The following NAALADL2 variants were observed in gnomAD, a reference collection of about 807,000 sequenced individuals.
NAALADL2 encodes the protein N-acetylated alpha-linked acidic dipeptidase like 2.
A neutral mutation model predicts 87.2 loss-of-function variants in NAALADL2; 76 were observed. That is an observed-to-expected ratio of 0.87 (90% CI 0.72 to 1.05). NAALADL2 has a LOEUF of 1.05. Ranked by LOEUF, NAALADL2 falls within the 50% of genes least tolerant of loss-of-function variation. The pLI is 0.00. For missense variants in NAALADL2, 1,089 were observed against 945.8 expected (o/e 1.15, Z -1.99); for synonymous variants, 354 against 331.0 (o/e 1.07, Z -0.75).
intron 1 of NAALADL2, among the ~76,000 whole-genome samples, chr3:174,869,729 C>A (rs1727571749): frequency 6.6e-6 from 1 of 151,986 alleles, no homozygotes; most frequent in African/African-American, 2.4e-5. Context: ...TGGGAAAGCA[C>A]TAGGAAAAAA....
intron 1 of NAALADL2, among the ~76,000 whole-genome samples, chr3:175,059,030 C>G (rs1712853253): frequency 6.6e-6 from 1 of 152,118 alleles, no homozygotes; most frequent in Admixed American, 6.6e-5. Flanking sequence ...TAATGGGTTT[C>G]TTCTGGTGGT....
intron 2 of NAALADL2, among the ~76,000 whole-genome samples, chr3:175,128,913 T>C (rs1465139733): frequency 1.3e-5 from 2 of 152,038 alleles, no homozygotes; most frequent in Admixed American, 6.6e-5. Flanking sequence ...ATAGATTGTG[T>C]ACTAGTTACC....
At chr3:174,662,704 A>G (rs746597877) in intron 2 of NAALADL2, among the ~76,000 whole-genome samples, 1 of 150,374 alleles carries the variant, frequency 6.7e-6, no homozygotes, top group Non-Finnish European at 1.5e-5. Context: ...AGTTCCTTTC[A>G]TAGAAAATGT....
intron 5 of NAALADL2, among the ~76,000 whole-genome samples, chr3:175,428,406 G>A (rs540586887): frequency 8.5e-5 from 13 of 152,142 alleles, no homozygotes; most frequent in African/African-American, 2.4e-4. Flanking sequence ...AATAGTCACC[G>A]AATCACCTAC....
At chr3:174,656,891 C>T (rs1254593265) in intron 2 of NAALADL2, among the ~76,000 whole-genome samples, 1 of 151,996 alleles carries the variant, frequency 6.6e-6, no homozygotes, top group East Asian at 1.9e-4. Flanking sequence ...CCTCACCCCA[C>T]TTTCTTTCGG....
chr3:175,627,466 A>G lies in NAALADL2; in HGVS notation c.1896+80A>G, dbSNP rs1727148099. The stretch of plus-strand genomic sequence containing the variant: ...GTAGATGGAGCAAAGGAACATAACC[A>G]ATCAAGAGCAATCCGTATATTTTCA... On this transcript the variant is annotated intron_variant, in intron 11 of 13. Transcript: ENST00000454872. 3 of 814,172 alleles carry G rather than the reference A, an allele frequency of 3.7e-6. No homozygotes were observed. The Admixed American group carries it at 8.5e-5, about 23-fold the overall frequency. 50.4% of individuals were successfully genotyped at this position (814,172 alleles called of 1,614,324 possible). A position where few individuals can be genotyped will look rare whatever the true frequency, so the allele number is the denominator to read the frequency against.
rs377169667 is a variant in NAALADL2 at position 174,683,561 on chromosome 3, TATAG to T, written c.-114-54068_-114-54065del. The stretch of plus-strand genomic sequence containing the variant: ...AACTTCAGTTCACTAATATAGTTGT[TATAG>T]ATAGATAGATAATATAGATAAGCAG... On this transcript the variant is annotated intron_variant, in intron 2 of 3. Transcript: ENST00000434257. Among the ~76,000 whole-genome samples, 309 of 152,038 alleles carry T rather than the reference TATAG, an allele frequency of 2.0e-3. 3 individuals are homozygous for T. Among genetic ancestry groups the T allele is most frequent in the Middle Eastern group, 6.8e-3 (2 of 294 alleles).
At chr3:175,156,230 T>A (rs13096512) in intron 2 of NAALADL2, among the ~76,000 whole-genome samples, 44,944 of 149,118 alleles carry the variant, frequency 0.3, 6,922 homozygotes, top group South Asian at 0.36. Context: ...CTGAGTAAAA[T>A]ACTGAAGAGA....
At chr3:174,786,449 CA>C (rs36127298) in intron 3 of NAALADL2, among the ~76,000 whole-genome samples, 35,045 of 121,876 alleles carry the variant, frequency 0.29, 3,912 homozygotes, top group Non-Finnish European at 0.35. Flanking sequence ...GACTCTGTCT[CA>C]AAAAAAAAAA....
chr3:175,624,993 G>T, intron 10 of NAALADL2, among the ~76,000 whole-genome samples: 1 of 151,882 alleles, frequency 6.6e-6, no homozygotes, highest in East Asian at 1.9e-4. Context: ...TTAATCACTT[G>T]TTTTTTCATG....
intron 11 of NAALADL2, among the ~76,000 whole-genome samples, chr3:175,629,375 AATAT>A (rs112350530): frequency 6.8e-6 from 1 of 147,896 alleles, no homozygotes; most frequent in Non-Finnish European, 1.5e-5. Flanking sequence ...TATATATATG[AATAT>A]ATATATATTT....
At chr3:174,691,501 T>G (rs2108854241) in intron 2 of NAALADL2, among the ~76,000 whole-genome samples, 1 of 152,202 alleles carries the variant, frequency 6.6e-6, no homozygotes, top group African/African-American at 2.4e-5. Flanking sequence ...AGTCCTAATT[T>G]TTGTTGGTGG....
rs1720424355 is a variant in NAALADL2 at position 174,522,988 on chromosome 3, C to G, written c.-183-27581C>G. 4.0e-5 allele frequency among the ~76,000 whole-genome samples: 6 copies of G among 149,576 alleles called. 1 individual carries two copies. In the South Asian group the frequency reaches 1.3e-3, roughly 32 times the overall value. On this transcript the variant is annotated intron_variant, in intron 1 of 3. Transcript: ENST00000434257. The stretch of plus-strand genomic sequence containing the variant: ...AAAACAACAACAAGGAAAAGAAACT[C>G]TAGAGATGTCTTGCACCTTCCACCA...
intron 2 of NAALADL2, among the ~76,000 whole-genome samples, chr3:175,225,177 G>T (rs982630092): frequency 2.0e-5 from 3 of 152,056 alleles, no homozygotes; most frequent in African/African-American, 7.2e-5. Flanking sequence ...GCAGAGAGAT[G>T]ACATCTAAAA....
intron 1 of NAALADL2, among the ~76,000 whole-genome samples, chr3:175,062,602 A>G (rs146796337): frequency 1.4e-3 from 206 of 151,790 alleles, no homozygotes; most frequent in African/African-American, 4.9e-3. Flanking sequence ...CTATCATAGA[A>G]CTATAAATGC....
intron 11 of NAALADL2, among the ~76,000 whole-genome samples, chr3:175,723,658 C>T (rs983810304): frequency 6.6e-6 from 1 of 151,972 alleles, no homozygotes; most frequent in Admixed American, 6.6e-5. Context: ...CAAGACATTC[C>T]AATATAAATA....
At chr3:174,923,523 A>C (rs1031148494) in intron 1 of NAALADL2, among the ~76,000 whole-genome samples, 2 of 152,154 alleles carry the variant, frequency 1.3e-5, no homozygotes. Context: ...CCACTGATGG[A>C]TTTTTAAATT....
At chr3:175,436,218 T>G (rs1378187358) in intron 5 of NAALADL2, among the ~76,000 whole-genome samples, 3 of 142,872 alleles carry the variant, frequency 2.1e-5, no homozygotes, top group African/African-American at 8.0e-5. Context: ...CCATGGTGTA[T>G]ATGTGCCACA....
At chr3:175,108,129 T>C (rs1345970193) in intron 2 of NAALADL2, among the ~76,000 whole-genome samples, 1 of 151,928 alleles carries the variant, frequency 6.6e-6, no homozygotes. Context: ...ATTGCTTTCC[T>C]GTGCAACATG....
Sources: gnomAD v4.1 joint callset for allele counts (sites outside exome capture counted in the v4.1 genomes callset) on GRCh38, gnomAD v4.1.1 for gene constraint, MANE v1.5 for transcripts, NCBI Gene and HGNC (gene_info 2026-07-23, HGNC 2026-07-21) for gene names.